Variants in IGSF11 observed in about 807,000 individuals in gnomAD.
The protein encoded by IGSF11 is immunoglobulin superfamily member 11.
Under a neutral mutation model 41.0 loss-of-function variants are expected in IGSF11, and 22 were observed. That is an observed-to-expected ratio of 0.54 (90% confidence interval 0.38 to 0.77). The LOEUF (loss-of-function observed/expected upper bound fraction) is 0.77. IGSF11 is among the 30% of genes least tolerant of loss of function. The probability of loss-of-function intolerance (pLI) is 0.00; values close to 1 mark genes in which losing one functional copy is unlikely to be tolerated. For missense variants in IGSF11, 444 were observed against 530.8 expected, an observed-to-expected ratio of 0.84 and a Z score of 1.61; for synonymous variants, 219 against 201.3, an observed-to-expected ratio of 1.09 and a Z score of -0.74.
rs1468800378 is a variant in IGSF11, at chr3:119,003,335, C to T, written c.52+31196G>A. ...TGTACATTGATTTTGTATCCTGAGA[C>T]TTTGCTGAAGTTGCTTATCAGCTTA... On this transcript the variant is annotated intron_variant, in intron 1 of 6. Transcript: ENST00000393775. 1.4e-5 allele frequency among the ~76,000 whole-genome samples: 2 copies of T among 147,578 alleles called. 1 individual carries two copies. Among genetic ancestry groups the T allele is most frequent in the African/African-American group, 5.2e-5 (2 of 38,180 alleles).
intron 1 of IGSF11, among the ~76,000 whole-genome samples, chr3:119,056,044 A>T (rs1482071281): frequency 3.3e-5 from 5 of 152,198 alleles, no homozygotes; most frequent in Non-Finnish European, 5.9e-5. Flanking sequence ...TGACACCCTA[A>T]TATCACAATT....
intron 2 of IGSF11, among the ~76,000 whole-genome samples, chr3:118,929,291 C>G (rs1001217940): frequency 2.1e-4 from 32 of 152,176 alleles, no homozygotes; most frequent in Middle Eastern, 3.2e-3. Flanking sequence ...TGTTTAGTAA[C>G]TCTACTCAAG....
At chr3:118,984,949 T>C (rs746200789) in intron 1 of IGSF11, among the ~76,000 whole-genome samples, 49 of 152,168 alleles carry the variant, frequency 3.2e-4, no homozygotes, top group Admixed American at 2.3e-3. Context: ...ATGAGTCATG[T>C]GAGAAGATAA....
At chr3:119,124,211 G>GCA (rs2077369936) in intron 1 of IGSF11, among the ~76,000 whole-genome samples, 1 of 144,352 alleles carries the variant, frequency 6.9e-6, no homozygotes, top group Non-Finnish European at 1.5e-5. Flanking sequence ...ATTAAAATAA[G>GCA]CACACATTCT....
chr3:119,008,932 T>C (rs1937744557), intron 1 of IGSF11, among the ~76,000 whole-genome samples: 1 of 152,198 alleles, frequency 6.6e-6, no homozygotes, highest in African/African-American at 2.4e-5. Flanking sequence ...CATCACTTCT[T>C]CCTGGTTCTA....
chr3:118,980,112 AAAC>A (rs1189872985), intron 1 of IGSF11, among the ~76,000 whole-genome samples: 5 of 152,250 alleles, frequency 3.3e-5, no homozygotes, highest in East Asian at 1.9e-4. Context: ...GACATTCAAA[AAAC>A]AACAACAACA....
chr3:118,980,036 GA>G (rs1934545843), intron 1 of IGSF11, among the ~76,000 whole-genome samples: 1 of 152,122 alleles, frequency 6.6e-6, no homozygotes, highest in Admixed American at 6.5e-5. Flanking sequence ...AGGATGTGGA[GA>G]AAAGGGAACT....
intron 1 of IGSF11, among the ~76,000 whole-genome samples, chr3:119,052,353 G>A (rs974529840): frequency 7.3e-5 from 11 of 151,030 alleles, no homozygotes; most frequent in South Asian, 2.1e-4. Context: ...GGTGGTGTGC[G>A]CCTATAATCC....
intron 1 of IGSF11, among the ~76,000 whole-genome samples, chr3:119,058,967 A>G (rs1381295757): frequency 2.0e-5 from 3 of 150,926 alleles, no homozygotes; most frequent in African/African-American, 7.3e-5. Context: ...CACATCGGGG[A>G]CTGTTGTGGG....
intron 1 of IGSF11, among the ~76,000 whole-genome samples, chr3:119,094,941 G>A (rs1425061125): frequency 6.6e-6 from 1 of 151,690 alleles, no homozygotes; most frequent in African/African-American, 2.4e-5. Context: ...CAAAGTGCTG[G>A]GATTACAGAC....
intron 4 of IGSF11, among the ~76,000 whole-genome samples, chr3:118,916,984 G>T (rs1020938555): frequency 1.3e-5 from 2 of 152,230 alleles, no homozygotes. Flanking sequence ...CATGGAAACT[G>T]AACAACCTGC....
chr3:119,114,050 C>T (rs1292855055), intron 1 of IGSF11, among the ~76,000 whole-genome samples: 2 of 152,206 alleles, frequency 1.3e-5, no homozygotes, highest in African/African-American at 2.4e-5. Context: ...GGAGCAGTGT[C>T]CTGATGTGGT....
intron 1 of IGSF11, among the ~76,000 whole-genome samples, chr3:119,076,947 C>T (rs936208694): frequency 6.6e-6 from 1 of 152,166 alleles, no homozygotes; most frequent in African/African-American, 2.4e-5. Flanking sequence ...ATAAATCAGG[C>T]TGCTATAAAG....
chr3:118,980,415 C>T lies in IGSF11; in HGVS notation c.53-50140G>A, dbSNP rs530363487. Among the ~76,000 whole-genome samples the T allele has an allele frequency of 2.6e-5, 4 of 152,158 alleles. No homozygotes were observed. The South Asian group carries it at 8.3e-4, about 32-fold the overall frequency. On this transcript the variant is annotated intron_variant, in intron 1 of 6. Transcript: ENST00000393775. ...AAGTCATTATGTTAAGGGAAATAAG[C>T]CAGGCACAAAAAGTATTATGTGTTC...
At chr3:119,053,611 A>G (rs1941711567) in intron 1 of IGSF11, among the ~76,000 whole-genome samples, 1 of 152,218 alleles carries the variant, frequency 6.6e-6, no homozygotes, top group African/African-American at 2.4e-5. Context: ...CTATAAAGTC[A>G]ATGCAATGCC....
chr3:119,093,708 C>G (rs181573041), intron 1 of IGSF11, among the ~76,000 whole-genome samples: 6 of 152,242 alleles, frequency 3.9e-5, no homozygotes, highest in Non-Finnish European at 5.9e-5. Flanking sequence ...GATCTGACAT[C>G]ATCAGAGGTA....
chr3:119,116,136 A>T (rs925913901), intron 1 of IGSF11, among the ~76,000 whole-genome samples: 3 of 152,220 alleles, frequency 2.0e-5, no homozygotes, highest in Admixed American at 2.0e-4. Flanking sequence ...TCTAGATGAG[A>T]TTAGCATTTG....
intron 1 of IGSF11, among the ~76,000 whole-genome samples, chr3:119,087,572 A>G (rs1471216660): frequency 6.6e-6 from 1 of 152,082 alleles, no homozygotes; most frequent in Non-Finnish European, 1.5e-5. Flanking sequence ...GAGCTAAGCT[A>G]TGAGGACGCA....
intron 1 of IGSF11, among the ~76,000 whole-genome samples, chr3:119,111,591 C>G (rs551119099): frequency 6.6e-6 from 1 of 152,204 alleles, no homozygotes; most frequent in Non-Finnish European, 1.5e-5. Flanking sequence ...TCTCTCAACT[C>G]GTCAAAGTCA....
Sources: allele counts gnomAD v4.1 joint callset (sites outside exome capture counted in the v4.1 genomes callset), GRCh38; gene constraint gnomAD v4.1.1; transcripts MANE v1.5; gene names NCBI Gene and HGNC (gene_info 2026-07-23, HGNC 2026-07-21).